GRIN2B: variants seen among roughly 807,000 people sequenced by gnomAD.
GRIN2B encodes glutamate ionotropic receptor NMDA type subunit 2B.
Under a neutral mutation model 114.5 loss-of-function variants are expected in GRIN2B, and 5 were observed. The observed-to-expected ratio is 0.04, with a 90% confidence interval of 0.02 to 0.09. The LOEUF (loss-of-function observed/expected upper bound fraction) is 0.09. GRIN2B is among the 10% of genes least tolerant of loss of function. GRIN2B has a pLI of 1.00. For missense variants in GRIN2B, 1,108 were observed against 1,943.5 expected, an observed-to-expected ratio of 0.57 and a Z score of 8.08; for synonymous variants, 787 against 745.1, an observed-to-expected ratio of 1.06 and a Z score of -0.92.
In GRIN2B at chr12:13,615,802, C is replaced by A. The variant is rs1949431467; in HGVS notation, c.1329-138G>T. On this transcript the variant is annotated intron_variant, in intron 6 of 13. Transcript: ENST00000609686. This position sits in a 1 kb window ranked among gnomAD's most constrained non-coding sequence, Gnocchi z 5.8. ...ACAGCTCAGCACAATTTATACTAGACTCGAGTGAAGAAATAAAGCAGGCAA... is the reference window on the plus strand; with the variant it reads ...ACAGCTCAGCACAATTTATACTAGAATCGAGTGAAGAAATAAAGCAGGCAA... 1.4e-6 allele frequency: 1 copy of A among 731,714 alleles called. No individual in the cohort carries two copies. The highest frequency in any genetic ancestry group is 2.1e-5 in the Admixed American group (1 of 48,644). 45.3% of individuals were successfully genotyped at this position (731,714 alleles called of 1,614,324 possible).
intron 4 of GRIN2B, among the ~76,000 whole-genome samples, chr12:13,681,957 C>T (rs543459591): frequency 6.6e-6 from 1 of 152,098 alleles, no homozygotes; most frequent in Non-Finnish European, 1.5e-5. Flanking sequence ...CACAGTACCT[C>T]TAGAAATAGT....
intron 2 of GRIN2B, among the ~76,000 whole-genome samples, chr12:13,957,616 G>A (rs1166215421): frequency 6.6e-6 from 1 of 152,166 alleles, no homozygotes. Context: ...ACAGGAACGA[G>A]TGCTGAGCTC....
chr12:13,892,544 C>G (rs1866281480), intron 2 of GRIN2B, among the ~76,000 whole-genome samples: 1 of 152,176 alleles, frequency 6.6e-6, no homozygotes, highest in Non-Finnish European at 1.5e-5. Flanking sequence ...TAAGCTGAAA[C>G]AGGGCGCAGG....
intron 4 of GRIN2B, among the ~76,000 whole-genome samples, chr12:13,735,165 T>G (rs1344955173): frequency 6.6e-6 from 1 of 152,212 alleles, no homozygotes; most frequent in East Asian, 1.9e-4. Flanking sequence ...CAATTCTTTA[T>G]TATTTGCAGC....
chr12:13,771,098 A>T (rs1863900833), intron 3 of GRIN2B, among the ~76,000 whole-genome samples: 1 of 152,134 alleles, frequency 6.6e-6, no homozygotes, highest in South Asian at 2.1e-4. Flanking sequence ...TAATTTAATC[A>T]TGGGGGTGGA....
At chr12:13,866,621 C>G (rs1252285241) in intron 2 of GRIN2B, among the ~76,000 whole-genome samples, 1 of 152,084 alleles carries the variant, frequency 6.6e-6, no homozygotes, top group African/African-American at 2.4e-5. Flanking sequence ...ACAAAGTGAG[C>G]AGAAAAACGT....
intron 4 of GRIN2B, among the ~76,000 whole-genome samples, chr12:13,700,496 C>A (rs1950301765): frequency 6.6e-6 from 1 of 152,142 alleles, no homozygotes; most frequent in Non-Finnish European, 1.5e-5. Context: ...TGGGCTGTAA[C>A]TGCTTTGACC....
At chr12:13,979,798 C>CA (rs960854933) in intron 2 of GRIN2B, 130 bp downstream of exon 2, 1 of 151,782 alleles carries the variant, frequency 6.6e-6, no homozygotes, top group Non-Finnish European at 1.5e-5. Context: ...CCTTTTTTCC[C>CA]AAAACAGCAT....
intron 5 of GRIN2B, among the ~76,000 whole-genome samples, chr12:13,671,026 T>C (rs1203793511): frequency 6.6e-6 from 1 of 152,110 alleles, no homozygotes; most frequent in Non-Finnish European, 1.5e-5. Context: ...AAATTGGCAA[T>C]AACAATTGCT....
chr12:13,576,590 A>C (rs983917479), intron 10 of GRIN2B, among the ~76,000 whole-genome samples: 1 of 150,908 alleles, frequency 6.6e-6, no homozygotes, highest in East Asian at 1.9e-4. Context: ...TCTGTCACCC[A>C]GGCTGGAGTG....
intron 3 of GRIN2B, among the ~76,000 whole-genome samples, chr12:13,835,795 A>G (rs1195218185): frequency 7.3e-6 from 1 of 137,272 alleles, no homozygotes; most frequent in African/African-American, 2.6e-5. Flanking sequence ...AAAAAAAAAA[A>G]GAAAGCCAGC....
In GRIN2B at chr12:13,553,539, T is replaced by A. The variant is rs1948442688; in HGVS notation, c.*9244A>T. 1 of 152,020 alleles carries A rather than the reference T, an allele frequency of 6.6e-6. No homozygotes were observed. The highest frequency in any genetic ancestry group is 6.6e-5 in the Admixed American group (1 of 15,262). The allele number at this position is 152,020 out of a possible 1,614,324, so 9.4% of individuals were successfully genotyped here. A position where few individuals can be genotyped will look rare whatever the true frequency, so the allele number is the denominator to read the frequency against. On this transcript the variant is annotated 3_prime_UTR_variant, in exon 14 of 14. Coordinates refer to ENST00000609686, the MANE Select transcript of GRIN2B (RefSeq NM_000834.5). ...CAAGGTGGTGACCAGCACAGACAGT[T>A]CCCCCAAGGCCACAAATGTGGAAGT...
chr12:13,853,164 T>C (rs1332102730), intron 3 of GRIN2B, among the ~76,000 whole-genome samples: 1 of 152,166 alleles, frequency 6.6e-6, no homozygotes, highest in East Asian at 1.9e-4. Context: ...CTTTCTGCTA[T>C]TTTCATTAAA....
At chr12:13,952,625 T>G (rs1286728004) in intron 2 of GRIN2B, among the ~76,000 whole-genome samples, 4 of 152,152 alleles carry the variant, frequency 2.6e-5, no homozygotes, top group African/African-American at 9.7e-5. Context: ...TGTTGAAAAC[T>G]ATTTAAAAGA....
intron 3 of GRIN2B, among the ~76,000 whole-genome samples, chr12:13,792,705 C>A (rs1254134953): frequency 6.6e-6 from 1 of 152,220 alleles, no homozygotes. Flanking sequence ...TGGTGCAAGG[C>A]AGATGCTGTG....
chr12:13,930,786 A>G (rs894951477), intron 2 of GRIN2B, among the ~76,000 whole-genome samples: 5 of 152,190 alleles, frequency 3.3e-5, no homozygotes, highest in Non-Finnish European at 4.4e-5. Flanking sequence ...ATGAAGTGCA[A>G]CAGTGACAAC....
At chr12:13,591,903 A>G (rs1949014105) in intron 10 of GRIN2B, among the ~76,000 whole-genome samples, 1 of 152,194 alleles carries the variant, frequency 6.6e-6, no homozygotes, top group African/African-American at 2.4e-5. Context: ...ACAATACTAT[A>G]AGTGGTTGGC....
rs193045433 is a variant in GRIN2B at position 13,616,815 on chromosome 12, T to C, written c.1126-158A>G. Among the ~76,000 whole-genome samples the C allele has an allele frequency of 9.3e-4, 141 of 152,358 alleles. 1 individual carries two copies. Among genetic ancestry groups the C allele is most frequent in the Admixed American group, 1.9e-3 (29 of 15,304 alleles). On this transcript the variant is annotated intron_variant, in intron 5 of 13. Coordinates refer to ENST00000609686, the MANE Select transcript of GRIN2B (RefSeq NM_000834.5). ...AGATAGGAATACTTTTTAAATCATG[T>C]GCCCCAAATGAGACTACTGTGTCCA...
In GRIN2B at chr12:13,642,199, AACAAAC is replaced by A. The variant is rs1949724561; in HGVS notation, c.1126-25548_1126-25543del. ...GTGAGACTCTGTCTCAAAACAAACA[AACAAAC>A]AAACAAACAAACAAACAAGCTAGCT... On this transcript the variant is annotated intron_variant, in intron 5 of 13. Transcript: ENST00000609686. Among the ~76,000 whole-genome samples, 20 of 133,418 alleles carry A rather than the reference AACAAAC, an allele frequency of 1.5e-4. No homozygotes were observed. In the South Asian group the frequency reaches 1.9e-3, roughly 13 times the overall value. 87.5% of individuals were successfully genotyped at this position (133,418 alleles called of 152,430 possible).
Sources: allele counts gnomAD v4.1 joint callset (sites outside exome capture counted in the v4.1 genomes callset), GRCh38; gene constraint gnomAD v4.1.1; non-coding constraint Gnocchi (gnomAD v3.1); transcripts MANE v1.5; gene names NCBI Gene and HGNC (gene_info 2026-07-23, HGNC 2026-07-21).